The following BAZ1A variants were observed in gnomAD, a reference collection of about 807,000 sequenced individuals.
BAZ1A encodes bromodomain adjacent to zinc finger domain protein 1A.
Under a neutral mutation model 185.2 loss-of-function variants are expected in BAZ1A, and 50 were observed. The ratio of observed to expected loss-of-function variants is 0.27; its 90% CI spans 0.22 to 0.34. The LOEUF (loss-of-function observed/expected upper bound fraction) is 0.34, where lower values mean the gene tolerates loss of function less well. Ranked by LOEUF, BAZ1A falls within the 10% of genes least tolerant of loss-of-function variation. BAZ1A has a pLI of 1.00. For synonymous variants in BAZ1A, 571 were observed against 615.6 expected, an observed-to-expected ratio of 0.93 and a Z score of 1.07; for missense variants, 1,356 against 1,839.9, an observed-to-expected ratio of 0.74 and a Z score of 4.81.
At chr14:34,872,913 T>TAAAAA (rs35955993) in intron 2 of BAZ1A, among the ~76,000 whole-genome samples, 1,401 of 76,126 alleles carry the variant, frequency 0.018, 115 homozygotes, top group African/African-American at 0.024. Context: ...TTTAAAATCC[T>TAAAAA]AAAAAAAAAA....
chr14:34,848,535 G>T (rs1316779653), intron 3 of BAZ1A, among the ~76,000 whole-genome samples: 1 of 152,098 alleles, frequency 6.6e-6, no homozygotes, highest in Non-Finnish European at 1.5e-5. Flanking sequence ...CCCAGGAGGC[G>T]GAGTTGCAGT....
intron 4 of BAZ1A, among the ~76,000 whole-genome samples, chr14:34,824,929 T>C (rs1370097486): frequency 1.3e-5 from 2 of 152,114 alleles, no homozygotes; most frequent in East Asian, 1.9e-4. Flanking sequence ...AGAATAGTCA[T>C]TGAGGAGAAC....
intron 2 of BAZ1A, among the ~76,000 whole-genome samples, chr14:34,872,942 C>CCT (rs2042976124): frequency 2.2e-5 from 1 of 45,116 alleles, no homozygotes; most frequent in Non-Finnish European, 4.2e-5. Flanking sequence ...AAAAAAAAAA[C>CCT]TTGTCCAATT....
chr14:34,769,090 T>A lies in BAZ1A; in HGVS notation c.3301+2421A>T, dbSNP rs888224533. 5.9e-5 allele frequency among the ~76,000 whole-genome samples: 9 copies of A among 152,144 alleles called. No individual in the cohort carries two copies. The East Asian group carries it at 1.7e-3, about 29-fold the overall frequency. Reference sequence around the variant, plus strand: ...AAATTGGGAAAATGCCTACTATGATTAATTTGCTATCCTGAAATATTATCA... The same window carrying A: ...AAATTGGGAAAATGCCTACTATGATAAATTTGCTATCCTGAAATATTATCA... On this transcript the variant is annotated intron_variant, in intron 21 of 26. Coordinates refer to ENST00000360310, the MANE Select transcript of BAZ1A (RefSeq NM_013448.3).
Position 34,836,934 on chromosome 14 carries a change from A to T in BAZ1A, c.393-10778T>A, listed in dbSNP as rs550417054. ...TGTAGCTCAAAGAATGTTTCCTTTT[A>T]AAAAAATGTATTATTTTTAGTAGAC... On this transcript the variant is annotated intron_variant, in intron 3 of 26. Coordinates refer to ENST00000360310, the MANE Select transcript of BAZ1A (RefSeq NM_013448.3). Among the ~76,000 whole-genome samples the T allele has an allele frequency of 2.4e-3, 369 of 152,002 alleles. 2 individuals are homozygous for T. The highest frequency in any genetic ancestry group is 5.8e-3 in the African/African-American group (240 of 41,304).
chr14:34,775,891 G>A (rs1340704284), intron 18 of BAZ1A, 28 bp downstream of exon 18: 1 of 1,541,368 alleles, frequency 6.5e-7, no homozygotes, highest in Non-Finnish European at 8.8e-7. Flanking sequence ...GGGAAAAAAA[G>A]TAAAAACAAT....
chr14:34,771,420 T>C, intron 21 of BAZ1A, 91 bp downstream of exon 21: 1 of 1,223,332 alleles, frequency 8.2e-7, no homozygotes. Context: ...ATCAATTTCA[T>C]TATGTCAGCC....
intron 21 of BAZ1A, 173 bp downstream of exon 21, chr14:34,771,338 T>C (rs1228391097): frequency 3.0e-6 from 2 of 676,630 alleles, no homozygotes; most frequent in South Asian, 2.1e-5. Flanking sequence ...CAAAAGACTG[T>C]ATTATTCTAA....
chr14:34,800,749 G>T (rs1881480624), intron 8 of BAZ1A, among the ~76,000 whole-genome samples: 1 of 152,110 alleles, frequency 6.6e-6, no homozygotes, highest in Non-Finnish European at 1.5e-5. Context: ...ATCCCCAAGT[G>T]ATTCATATGT....
intron 3 of BAZ1A, among the ~76,000 whole-genome samples, chr14:34,834,306 C>A (rs943294909): frequency 2.0e-5 from 3 of 152,102 alleles, no homozygotes; most frequent in African/African-American, 7.2e-5. Context: ...CAGGTGAATG[C>A]CCCTTAAGTG....
Position 34,753,226 on chromosome 14 carries a change from A to G in BAZ1A, c.*282T>C. 3.3e-6 allele frequency: 1 copy of G among 301,158 alleles called. No homozygotes were observed. The highest frequency in any genetic ancestry group is 4.8e-5 in the Admixed American group (1 of 20,688). 18.7% of individuals were successfully genotyped at this position (301,158 alleles called of 1,614,324 possible). On this transcript the variant is annotated 3_prime_UTR_variant, in exon 27 of 27. Transcript: ENST00000360310. ...AATCGTGGGTGAAAAAATATTTTCC[A>G]AGATCTCTGGACACATGAATGATCT... is the stretch of plus-strand genomic sequence containing the variant.
chr14:34,758,990 G>A, intron 24 of BAZ1A, 144 bp from the exon 25 acceptor site: 1 of 807,458 alleles, frequency 1.2e-6, no homozygotes, highest in Non-Finnish European at 1.8e-6. Context: ...TGGGAGATAT[G>A]AAAATTCAAC....
chr14:34,797,952 C>T (rs186006777), intron 9 of BAZ1A, among the ~76,000 whole-genome samples: 368 of 152,362 alleles, frequency 2.4e-3, no homozygotes, highest in Non-Finnish European at 3.9e-3. Flanking sequence ...CCTGGAAAAT[C>T]GGGACACTCC....
chr14:34,816,037 C>G (rs1474940), intron 4 of BAZ1A, among the ~76,000 whole-genome samples: 89,304 of 147,264 alleles, frequency 0.61, 27,008 homozygotes, highest in South Asian at 0.68. Context: ...TATACTGCAT[C>G]AAAGTACATA....
Position 34,874,498 on chromosome 14 carries a change from T to C in BAZ1A, c.107A>G (p.His36Arg), listed in dbSNP as rs764231377. 6.2e-7 allele frequency: 1 copy of C among 1,612,236 alleles called. No homozygotes were observed. The highest frequency in any genetic ancestry group is 1.1e-5 in the South Asian group (1 of 91,042). The change falls in exon 2 of 27, where the codon CAC (histidine) becomes CGC (arginine). Residue 36 changes from histidine to arginine, a missense_variant. By Grantham distance (29) the His-to-Arg change is conservative. Transcript: ENST00000360310. The surrounding 1 kb of genome is among the most constrained non-coding windows in gnomAD (Gnocchi z 4.7). ...YCKVTNEIFR[H>R]YDDFFERTIL... ...CACACGGCCCGGCTCTTACTCGTAG[T>C]GGCGGAAGATCTCGTTGGTGACTTT...
At chr14:34,774,938 G>A (rs372743239) in intron 18 of BAZ1A, among the ~76,000 whole-genome samples, 3 of 152,238 alleles carry the variant, frequency 2.0e-5, no homozygotes, top group Non-Finnish European at 4.4e-5. Context: ...ACATTGGCGG[G>A]GGGTAGTGGC....
At chr14:34,755,276 AT>A (rs1330423061) in intron 25 of BAZ1A, among the ~76,000 whole-genome samples, 1 of 152,096 alleles carries the variant, frequency 6.6e-6, no homozygotes, top group African/African-American at 2.4e-5. Context: ...CTAAGATTTA[AT>A]TTTTTTATGC....
chr14:34,854,086 A>G (rs1427525126), intron 3 of BAZ1A, among the ~76,000 whole-genome samples: 1 of 122,072 alleles, frequency 8.2e-6, no homozygotes, highest in Non-Finnish European at 1.9e-5. Context: ...ATTTAAGTGA[A>G]AGGGATAGAG....
intron 4 of BAZ1A, among the ~76,000 whole-genome samples, chr14:34,815,241 T>C (rs977084706): frequency 6.6e-6 from 1 of 152,198 alleles, no homozygotes; most frequent in Non-Finnish European, 1.5e-5. Flanking sequence ...CTATCTATAA[T>C]ACTTATGCAA....
Sources: gnomAD v4.1 joint callset for allele counts (sites outside exome capture counted in the v4.1 genomes callset) on GRCh38, gnomAD v4.1.1 for gene constraint, Gnocchi (gnomAD v3.1) non-coding constraint, MANE v1.5 for transcripts, NCBI Gene and HGNC (gene_info 2026-07-23, HGNC 2026-07-21) for gene names.